The following AGGF1 variants were observed in gnomAD, a reference collection of about 807,000 sequenced individuals.
AGGF1 encodes angiogenic factor with G-patch and FHA domains 1.
AGGF1 carries 56 observed loss-of-function variants against 86.5 expected under a neutral mutation model. The observed-to-expected ratio is 0.65, with a 90% CI of 0.52 to 0.81. The LOEUF (loss-of-function observed/expected upper bound fraction) is 0.81. Among genes scored for constraint, AGGF1 ranks in the 30% least tolerant of loss-of-function variants. The pLI, the probability that AGGF1 is intolerant of heterozygous loss-of-function variation, is 0.00. For synonymous variants in AGGF1, 313 were observed against 297.1 expected (o/e 1.05, Z -0.55); for missense variants, 816 against 850.9 (o/e 0.96, Z 0.51).
At chr5:77,057,290 A>G (rs1157815310) in intron 11 of AGGF1, among the ~76,000 whole-genome samples, 3 of 152,258 alleles carry the variant, frequency 2.0e-5, no homozygotes, top group African/African-American at 2.4e-5. Flanking sequence ...TAAAAAGACC[A>G]GTAAACAAAT....
chr5:77,030,550 C>T lies in AGGF1; in HGVS notation c.-217C>T. ...TTTCCGGTTTGCAGGCCGCGCACAT[C>T]GGGCAGGGGCCATCCTCGGTCCCCT... On this transcript the variant is annotated 5_prime_UTR_variant, in exon 1 of 14. Transcript: ENST00000312916. 2.9e-6 allele frequency: 2 copies of T among 700,746 alleles called. No individual in the cohort carries two copies. The highest frequency in any genetic ancestry group is 3.0e-5 in the South Asian group (2 of 66,832). The allele number at this position is 700,746 out of a possible 1,614,324, so 43.4% of individuals were successfully genotyped here.
chr5:77,043,879 A>G (rs1160437863), intron 5 of AGGF1, among the ~76,000 whole-genome samples: 1 of 140,512 alleles, frequency 7.1e-6, no homozygotes, highest in Non-Finnish European at 1.6e-5. Flanking sequence ...GGCCGGGCAG[A>G]GACGCTCGTC....
intron 5 of AGGF1, among the ~76,000 whole-genome samples, chr5:77,042,227 G>C (rs1180742004): frequency 4.0e-5 from 6 of 151,382 alleles, no homozygotes; most frequent in Non-Finnish European, 5.9e-5. Context: ...CACAGACACG[G>C]CAACCATCCG....
At chr5:77,042,025 T>C (rs1459699554) in intron 5 of AGGF1, among the ~76,000 whole-genome samples, 1 of 151,230 alleles carries the variant, frequency 6.6e-6, no homozygotes, top group East Asian at 1.9e-4. Context: ...TTAACGAGCA[T>C]GCTGCCTTCA....
At chr5:77,031,068 T>A (rs1746841148) in intron 1 of AGGF1, 92 bp downstream of exon 1, 2 of 1,330,832 alleles carry the variant, frequency 1.5e-6, no homozygotes. Flanking sequence ...TGGCAGGGGC[T>A]CAGAACTACT....
rs59691209 is a variant in AGGF1, at chr5:77,053,434, G to A, written c.1468-531G>A. 5.6e-3 allele frequency among the ~76,000 whole-genome samples: 851 copies of A among 152,268 alleles called. 9 individuals carry two copies. The highest frequency in any genetic ancestry group is 0.019 in the African/African-American group (794 of 41,554). ...CTTGGGATGCTGAGGCAGGAGAATC[G>A]TTTGCACCGGGGAGGTGGAGGTTGC... On this transcript the variant is annotated intron_variant, in intron 9 of 13. Coordinates refer to ENST00000312916, the MANE Select transcript of AGGF1 (RefSeq NM_018046.5).
intron 13 of AGGF1, among the ~76,000 whole-genome samples, chr5:77,062,795 G>T (rs1747584843): frequency 6.6e-6 from 1 of 152,156 alleles, no homozygotes; most frequent in South Asian, 2.1e-4. Flanking sequence ...GAAATTTGGT[G>T]ATTGCTAGTT....
intron 3 of AGGF1, 158 bp downstream of exon 3, chr5:77,035,901 A>G (rs978870975): frequency 8.4e-6 from 6 of 717,382 alleles, no homozygotes; most frequent in Non-Finnish European, 1.4e-5. Context: ...TAGTTTTTCC[A>G]AAACCAGAAT....
At chr5:77,048,301 C>A in intron 7 of AGGF1, 29 bp downstream of exon 7, 1 of 1,477,256 alleles carries the variant, frequency 6.8e-7, no homozygotes, top group South Asian at 1.2e-5. Flanking sequence ...TTATATCATT[C>A]TTTCAGTTAT....
In AGGF1 at chr5:77,030,681, G is replaced by C. The variant is rs1175778332; in HGVS notation, c.-86G>C. 3 of 1,444,830 alleles carry C rather than the reference G, an allele frequency of 2.1e-6. No individual in the cohort carries two copies. Among genetic ancestry groups the C allele is most frequent in the Non-Finnish European group, 2.8e-6 (3 of 1,070,164 alleles). The allele number at this position is 1,444,830 out of a possible 1,614,324, so 89.5% of individuals were successfully genotyped here. A position where few individuals can be genotyped will look rare whatever the true frequency, so the allele number is the denominator to read the frequency against. On this transcript the variant is annotated 5_prime_UTR_variant, in exon 1 of 14. Coordinates refer to ENST00000312916, the MANE Select transcript of AGGF1 (RefSeq NM_018046.5). The stretch of plus-strand genomic sequence containing the variant: ...TGAGGCTGCCTTTCGCTGCCCGCGC[G>C]CTCCAGTGGTCTCTGGGTCCGCCGG...
intron 8 of AGGF1, among the ~76,000 whole-genome samples, chr5:77,050,674 A>C (rs1747355969): frequency 6.6e-6 from 1 of 152,214 alleles, no homozygotes; most frequent in African/African-American, 2.4e-5. Flanking sequence ...TGAGTTTAAA[A>C]AATGGTAAAA....
chr5:77,057,928 A>C (rs1272159496), intron 11 of AGGF1, among the ~76,000 whole-genome samples: 1 of 152,206 alleles, frequency 6.6e-6, no homozygotes, highest in Non-Finnish European at 1.5e-5. Flanking sequence ...ACTACAAACA[A>C]GAAAGTGGGA....
intron 4 of AGGF1, among the ~76,000 whole-genome samples, chr5:77,038,297 G>T (rs1320970642): frequency 6.6e-6 from 1 of 152,122 alleles, no homozygotes; most frequent in African/African-American, 2.4e-5. Flanking sequence ...GAAAACAATA[G>T]TTTCAAGTAG....
rs1747443473 is a variant in AGGF1 at position 77,055,563 on chromosome 5, A to G, written c.1683A>G (p.Glu561=). 6.3e-7 allele frequency: 1 copy of G among 1,599,486 alleles called. No individual in the cohort carries two copies. The highest frequency in any genetic ancestry group is 1.1e-5 in the South Asian group (1 of 90,366). Residue 561 remains glutamate, a synonymous_variant, in exon 11 of 14, where the codon GAA becomes GAG. Coordinates refer to ENST00000312916, the MANE Select transcript of AGGF1 (RefSeq NM_018046.5). ...AAAAAGAGTTGGAAAGAAGAAAAGA[A>G]TTAAAGAAAATACGAGTAAAATATG... The part of the protein sequence containing the change: ...KEEKELERRK[E]LKKIRVKYGL...
chr5:77,046,275 TG>T, intron 5 of AGGF1, 71 bp from the exon 6 acceptor site: 2 of 1,263,282 alleles, frequency 1.6e-6, no homozygotes, highest in South Asian at 2.4e-5. Flanking sequence ...TGAAACTTGA[TG>T]TAATGTTATA....
chr5:77,043,948 C>G (rs1304221440), intron 5 of AGGF1, among the ~76,000 whole-genome samples: 1 of 137,008 alleles, frequency 7.3e-6, no homozygotes, highest in Non-Finnish European at 1.6e-5. Context: ...GATGGGGCGG[C>G]GGGGCAGAGG....
chr5:77,063,248 A>T lies in AGGF1; in HGVS notation c.2141A>T (p.Glu714Val). The change falls in exon 14 of 14, where the codon GAG (glutamate) becomes GTG (valine). Residue 714 changes from glutamate (E) to valine (V), a missense_variant. This residue lies in a region of AGGF1 where 565 missense variants were observed against 585.8 expected (regional missense o/e 0.96). Coordinates refer to ENST00000312916, the MANE Select transcript of AGGF1 (RefSeq NM_018046.5). Reference sequence around the variant, plus strand: ...ATGCCTTGGGTAAAAGGGACTTTAGAGTGAAGGCTAATCATAGAAAAAAAA... The same window carrying T: ...ATGCCTTGGGTAAAAGGGACTTTAGTGTGAAGGCTAATCATAGAAAAAAAA... ...GTMPWVKGTLE is the reference protein window; with the variant it reads ...GTMPWVKGTLV 6.2e-7 allele frequency: 1 copy of T among 1,612,704 alleles called. No individual in the cohort carries two copies. Among genetic ancestry groups the T allele is most frequent in the Non-Finnish European group, 8.5e-7 (1 of 1,179,304 alleles).
At chr5:77,031,830 G>T (rs372846082) in intron 1 of AGGF1, among the ~76,000 whole-genome samples, 11 of 152,166 alleles carry the variant, frequency 7.2e-5, no homozygotes, top group African/African-American at 2.4e-4. Context: ...CTTGAACCTA[G>T]GTGGTGGAGG....
intron 5 of AGGF1, among the ~76,000 whole-genome samples, chr5:77,043,496 C>G (rs1386367114): frequency 7.3e-6 from 1 of 137,278 alleles, no homozygotes; most frequent in African/African-American, 2.6e-5. Flanking sequence ...CTGACCCCCC[C>G]ACCTCCCTCC....
Sources: allele counts gnomAD v4.1 joint callset (sites outside exome capture counted in the v4.1 genomes callset), GRCh38; gene constraint gnomAD v4.1.1; regional missense constraint gnomAD v4.1.1; transcripts MANE v1.5; gene names NCBI Gene and HGNC (gene_info 2026-07-23, HGNC 2026-07-21).